Variants in PBX3 observed in about 807,000 individuals in gnomAD.
PBX3 encodes PBX homeobox 3.
Under a neutral mutation model 48.5 loss-of-function variants are expected in PBX3, and 14 were observed. The ratio of observed to expected loss-of-function variants is 0.29; its 90% confidence interval spans 0.19 to 0.45. The LOEUF (loss-of-function observed/expected upper bound fraction) is 0.45. Among genes scored for constraint, PBX3 ranks in the 20% least tolerant of loss-of-function variants. The pLI, the probability that PBX3 is intolerant of heterozygous loss-of-function variation, is 1.00. For missense variants in PBX3, 386 were observed against 546.7 expected (o/e 0.71, Z 2.93); for synonymous variants, 210 against 200.3 (o/e 1.05, Z -0.41).
chr9:125,929,011 A>G (rs1008119289), intron 3 of PBX3, among the ~76,000 whole-genome samples: 1 of 152,184 alleles, frequency 6.6e-6, no homozygotes, highest in African/African-American at 2.4e-5. Context: ...TGAACTTGCA[A>G]CATACTGTTA....
chr9:125,899,688 A>C (rs1840895539), intron 2 of PBX3, among the ~76,000 whole-genome samples: 1 of 151,502 alleles, frequency 6.6e-6, no homozygotes, highest in Non-Finnish European at 1.5e-5. Flanking sequence ...TTAGGATTAG[A>C]GCAAGGAGAC....
chr9:125,780,600 C>T (rs539197133), intron 2 of PBX3, among the ~76,000 whole-genome samples: 7 of 133,832 alleles, frequency 5.2e-5, no homozygotes, highest in East Asian at 5.0e-4. Flanking sequence ...TGGGCAGAGG[C>T]GCCCCTCACC....
chr9:125,764,092 T>C (rs1047237198), intron 2 of PBX3, among the ~76,000 whole-genome samples: 2 of 152,202 alleles, frequency 1.3e-5, no homozygotes, highest in Non-Finnish European at 2.9e-5. Context: ...ACAACTGGAA[T>C]CAAAAGAGCT....
chr9:125,814,456 C>T (rs1838400337), intron 2 of PBX3, among the ~76,000 whole-genome samples: 1 of 152,062 alleles, frequency 6.6e-6, no homozygotes, highest in Non-Finnish European at 1.5e-5. Flanking sequence ...GTGCTGTGAG[C>T]TACATATATA....
At chr9:125,810,365 AGT>A (rs113025234) in intron 2 of PBX3, among the ~76,000 whole-genome samples, 1,647 of 144,576 alleles carry the variant, frequency 0.011, 12 homozygotes, top group African/African-American at 0.017. Context: ...AGCAGGAATG[AGT>A]GTGTGTGTGT....
intron 2 of PBX3, among the ~76,000 whole-genome samples, chr9:125,860,188 G>T (rs1839827576): frequency 1.3e-5 from 2 of 152,164 alleles, no homozygotes; most frequent in African/African-American, 2.4e-5. Flanking sequence ...CTCAAACATT[G>T]CCAGTTGTCC....
At chr9:125,876,962 CG>C (rs1239323510) in intron 2 of PBX3, among the ~76,000 whole-genome samples, 5 of 151,914 alleles carry the variant, frequency 3.3e-5, no homozygotes, top group Non-Finnish European at 7.4e-5. Flanking sequence ...TTAGTAGAGA[CG>C]GGGTTTCACC....
At chr9:125,764,005 ATGTCAGAATAATTAG>A (rs1237883591) in intron 2 of PBX3, among the ~76,000 whole-genome samples, 1 of 152,192 alleles carries the variant, frequency 6.6e-6, no homozygotes, top group African/African-American at 2.4e-5. Flanking sequence ...ATTTCCCTTC[ATGTCAGAATAATTAG>A]TGTAATTAGA....
intron 2 of PBX3, among the ~76,000 whole-genome samples, chr9:125,892,593 C>T (rs1488831092): frequency 6.6e-6 from 1 of 152,044 alleles, no homozygotes; most frequent in Non-Finnish European, 1.5e-5. Context: ...TGTTTTATTA[C>T]AAAGTAGGTG....
At chr9:125,764,162 T>G (rs1836744030) in intron 2 of PBX3, among the ~76,000 whole-genome samples, 1 of 152,202 alleles carries the variant, frequency 6.6e-6, no homozygotes, top group East Asian at 1.9e-4. Flanking sequence ...GGCTTTCACC[T>G]TTTTCCTGCC....
intron 2 of PBX3, among the ~76,000 whole-genome samples, chr9:125,755,672 G>GTTTTTTTTTTTTTTTTTTT (rs11310993): frequency 2.1e-5 from 2 of 95,232 alleles, no homozygotes; most frequent in African/African-American, 4.0e-5. Context: ...GAGGAGCTTT[G>GTTTTTTTTTTTTTTTTTTT]TTTTTTTTTT....
chr9:125,829,115 G>A (rs1045711121), intron 2 of PBX3, among the ~76,000 whole-genome samples: 21 of 152,162 alleles, frequency 1.4e-4, no homozygotes, highest in Non-Finnish European at 5.9e-5. Context: ...CATTTTTCAT[G>A]TAGAAAGTGC....
chr9:125,914,569 C>CA (rs1190852258), intron 2 of PBX3, among the ~76,000 whole-genome samples: 2 of 152,130 alleles, frequency 1.3e-5, no homozygotes, highest in Non-Finnish European at 2.9e-5. Context: ...ACACTAGACA[C>CA]AAAGTGTGTA....
Position 125,879,515 on chromosome 9 carries a change from T to C in PBX3, c.275-36171T>C, listed in dbSNP as rs75275397. On this transcript the variant is annotated intron_variant, in intron 2 of 8. Transcript: ENST00000373489. Reference sequence around the variant, plus strand: ...AAAAAGTTGATTAATTTCAAACTTGTGGCAAGTGGGTTGAAAGTACTAAAA... The same window carrying C: ...AAAAAGTTGATTAATTTCAAACTTGCGGCAAGTGGGTTGAAAGTACTAAAA... 3.2e-3 allele frequency among the ~76,000 whole-genome samples: 493 copies of C among 152,342 alleles called. 2 individuals are homozygous for C. Among genetic ancestry groups the C allele is most frequent in the Non-Finnish European group, 5.3e-3 (358 of 68,032 alleles).
At chr9:125,778,253 T>TG (rs776346868) in intron 2 of PBX3, among the ~76,000 whole-genome samples, 18 of 150,406 alleles carry the variant, frequency 1.2e-4, no homozygotes, top group Non-Finnish European at 2.4e-4. Context: ...TGAGCCACCG[T>TG]GCCTGGCCCT....
intron 5 of PBX3, among the ~76,000 whole-genome samples, chr9:125,940,252 T>C (rs1489825510): frequency 1.3e-5 from 2 of 152,116 alleles, no homozygotes; most frequent in African/African-American, 4.8e-5. Context: ...GGAGTTTCAG[T>C]ATTACTAACA....
At chr9:125,805,168 C>T (rs946471225) in intron 2 of PBX3, among the ~76,000 whole-genome samples, 2 of 150,998 alleles carry the variant, frequency 1.3e-5, no homozygotes, top group African/African-American at 4.9e-5. Context: ...AAGGAGCAGG[C>T]TTAAAAAAAA....
chr9:125,879,283 T>C (rs923818617), intron 2 of PBX3, among the ~76,000 whole-genome samples: 2 of 152,016 alleles, frequency 1.3e-5, no homozygotes, highest in African/African-American at 2.4e-5. Context: ...TTCACCATAT[T>C]GGCCAACCTG....
At chr9:125,752,052 T>C (rs1375108976) in intron 2 of PBX3, among the ~76,000 whole-genome samples, 2 of 152,126 alleles carry the variant, frequency 1.3e-5, no homozygotes, top group Non-Finnish European at 2.9e-5. Flanking sequence ...TTGTGAAAAA[T>C]GTTATGCATG....
Sources: allele counts gnomAD v4.1 joint callset (sites outside exome capture counted in the v4.1 genomes callset), GRCh38; gene constraint gnomAD v4.1.1; transcripts MANE v1.5; gene names NCBI Gene and HGNC (gene_info 2026-07-23, HGNC 2026-07-21).